TIMELESS: variants seen among roughly 807,000 people sequenced by gnomAD.
TIMELESS encodes the protein timeless circadian regulator.
A neutral mutation model predicts 164.3 loss-of-function variants in TIMELESS; 124 were observed. The observed-to-expected ratio is 0.75, with a 90% CI of 0.65 to 0.88. TIMELESS has a LOEUF of 0.88. Among genes scored for constraint, TIMELESS ranks in the 40% least tolerant of loss-of-function variants. TIMELESS has a pLI of 0.00. For missense variants in TIMELESS, 1,422 were observed against 1,491.4 expected, an observed-to-expected ratio of 0.95 and a Z score of 0.77; for synonymous variants, 564 against 563.4, an observed-to-expected ratio of 1.00 and a Z score of -0.02.
At chr12:56,443,983 C>A (rs756534124) in intron 1 of TIMELESS, among the ~76,000 whole-genome samples, 69 of 151,606 alleles carry the variant, frequency 4.6e-4, no homozygotes, top group Non-Finnish European at 1.5e-5. Context: ...ACTGCATCTC[C>A]GCCTCCTGGG....
intron 1 of TIMELESS, among the ~76,000 whole-genome samples, chr12:56,436,694 TG>T (rs1419564810): frequency 1.1e-4 from 17 of 152,228 alleles, no homozygotes; most frequent in African/African-American, 4.1e-4. Flanking sequence ...CACCGAACAG[TG>T]GTCAGAATTC....
chr12:56,431,370 A>ACAC (rs1565684426), intron 8 of TIMELESS, 101 bp downstream of exon 8: 5 of 1,327,116 alleles, frequency 3.8e-6, no homozygotes, highest in Admixed American at 4.9e-5. Context: ...AAAAAAAAAA[A>ACAC]AACACTAAAA....
In TIMELESS at chr12:56,417,500, G is replaced by A. The variant is rs369298898; in HGVS notation, c.*216C>T. ...AGAACTAAATCTCCAGAGAGCTGCT[G>A]GGGCATACCGATAAAAACTGGGAGA... On this transcript the variant is annotated 3_prime_UTR_variant, in exon 29 of 29. Transcript: ENST00000553532. The A allele has an allele frequency of 2.2e-4, 122 of 557,440 alleles. 2 individuals carry two copies. The highest frequency in any genetic ancestry group is 2.2e-3 in the East Asian group (74 of 33,840). The allele number at this position is 557,440 out of a possible 1,614,324, so 34.5% of individuals were successfully genotyped here.
chr12:56,448,321 G>A lies in TIMELESS; in HGVS notation c.-62+989C>T, dbSNP rs546534222. Among the ~76,000 whole-genome samples the A allele has an allele frequency of 5.5e-4, 84 of 152,140 alleles. 1 individual carries two copies. Among genetic ancestry groups the A allele is most frequent in the African/African-American group, 2.0e-3 (81 of 41,492 alleles). On this transcript the variant is annotated intron_variant, in intron 1 of 28. Coordinates refer to ENST00000553532, the MANE Select transcript of TIMELESS (RefSeq NM_003920.5). ...CTGGGGAGGCTGAGGCAGGAGAATCGCTTGAACTGGGGAGGCGGAGGTTGC... is the reference window on the plus strand; with the variant it reads ...CTGGGGAGGCTGAGGCAGGAGAATCACTTGAACTGGGGAGGCGGAGGTTGC...
rs777135672 is a variant in TIMELESS at position 56,418,349 on chromosome 12, CAGA to C, written c.3236_3238del (p.Phe1079del). 7.3e-5 allele frequency: 118 copies of C among 1,608,190 alleles called. No homozygotes were observed. The highest frequency in any genetic ancestry group is 9.1e-5 in the Non-Finnish European group (107 of 1,177,558). ...AGGACTCAGCTTGGCTGGAATTCGCCAGAAGGTTTCCTACAGGGGCCAAAAAGT... is the reference window on the plus strand; with the variant it reads ...AGGACTCAGCTTGGCTGGAATTCGCCAGGTTTCCTACAGGGGCCAAAAAGT... On this transcript the variant is annotated inframe_deletion, in exon 27 of 29. Transcript: ENST00000553532.
rs201585405 is a variant in TIMELESS, at chr12:56,420,857, A to G, written c.3065T>C (p.Leu1022Pro). The change falls in exon 25 of 29, where the codon CTC (leucine) becomes CCC (proline). Residue 1022 changes from leucine (L) to proline (P), a missense_variant. Coordinates refer to ENST00000553532, the MANE Select transcript of TIMELESS (RefSeq NM_003920.5). ...QEGFSIPLLW[L>P]QNCLIRAADD... ...AGCTGCTCGGATCAGGCAGTTCTGG[A>G]GCCATAGGAGCGGGATAGAAAAGCC... The G allele has an allele frequency of 1.9e-6, 3 of 1,614,118 alleles. No homozygotes were observed. The highest frequency in any genetic ancestry group is 2.2e-5 in the East Asian group (1 of 44,876).
rs751804119 is a variant in TIMELESS at position 56,428,574 on chromosome 12, C to T, written c.1383G>A (p.Val461=). 5.3e-5 allele frequency: 85 copies of T among 1,614,134 alleles called. No homozygotes were observed. In the Middle Eastern group the frequency reaches 2.0e-3, roughly 38 times the overall value. Residue 461 remains valine (V), a synonymous_variant, in exon 12 of 29, where the codon GTG becomes GTA. Transcript: ENST00000553532. ...NEMDISPDEA[V]RESSRIIKNN... ...TCTTGATGATGCGGCTGCTCTCCCT[C>T]ACAGCCTCATCTGGAGATATGTCCA... is the stretch of plus-strand genomic sequence containing the variant.
chr12:56,420,495 G>T, intron 26 of TIMELESS, 74 bp downstream of exon 26: 1 of 1,216,218 alleles, frequency 8.2e-7, no homozygotes, highest in Non-Finnish European at 1.2e-6. Context: ...CACCATGACA[G>T]TGAGGAGGAG....
At chr12:56,434,832 A>C (rs548181871) in intron 1 of TIMELESS, among the ~76,000 whole-genome samples, 2 of 152,156 alleles carry the variant, frequency 1.3e-5, no homozygotes, top group South Asian at 4.1e-4. Flanking sequence ...CATGATGATC[A>C]TTTGCCCCAG....
rs372997620 is a variant in TIMELESS at position 56,432,473 on chromosome 12, G to A, written c.583C>T (p.Leu195Phe). ...AHDQLLWAIH[L>F]SGLDDLLLFL... ...AGGAGCAGGTCATCCAGGCCGCTGAGGTGAATCGCCCAGAGGAGCTGGTCA... is the reference window on the plus strand; with the variant it reads ...AGGAGCAGGTCATCCAGGCCGCTGAAGTGAATCGCCCAGAGGAGCTGGTCA... The change falls in exon 7 of 29, where the codon CTC becomes TTC. Residue 195 changes from leucine to phenylalanine, a missense_variant. Physicochemically the swap from Leu to Phe is conservative, Grantham distance 22. Transcript: ENST00000553532. 1 of 1,614,198 alleles carries A rather than the reference G, an allele frequency of 6.2e-7. No individual in the cohort carries two copies. Among genetic ancestry groups the A allele is most frequent in the Non-Finnish European group, 8.5e-7 (1 of 1,180,024 alleles).
At chr12:56,444,851 C>T (rs528033860) in intron 1 of TIMELESS, among the ~76,000 whole-genome samples, 77 of 151,886 alleles carry the variant, frequency 5.1e-4, no homozygotes, top group African/African-American at 9.7e-4. Flanking sequence ...TCACTGTACG[C>T]GGCCTGATTG....
At chr12:56,423,744 G>A in intron 16 of TIMELESS, 37 bp from the exon 17 acceptor site, 1 of 1,614,184 alleles carries the variant, frequency 6.2e-7, no homozygotes, top group Non-Finnish European at 8.5e-7. Flanking sequence ...TCTCTGTTAT[G>A]TTGGTGCTAG....
chr12:56,422,034 T>C lies in TIMELESS; in HGVS notation c.2525-18A>G, dbSNP rs1413982383. On this transcript the variant is annotated intron_variant, in intron 20 of 28. Transcript: ENST00000553532. ...ATCCTGCCCTGGCGTGGGGAAGGAC[T>C]AAGGCAGTAAAGAAGGTCCCACAGC... 1 of 1,613,788 alleles carries C rather than the reference T, an allele frequency of 6.2e-7. No homozygotes were observed. The highest frequency in any genetic ancestry group is 2.2e-5 in the East Asian group (1 of 44,872).
At position 56,418,120 on chromosome 12, in the gene TIMELESS, T is replaced by C. The variant is rs761421622; in HGVS notation, c.3454+14A>G. 1 of 1,613,830 alleles carries C rather than the reference T, an allele frequency of 6.2e-7. No homozygotes were observed. The highest frequency in any genetic ancestry group is 1.3e-5 in the African/African-American group (1 of 74,930). On this transcript the variant is annotated intron_variant, in intron 27 of 28. Coordinates refer to ENST00000553532, the MANE Select transcript of TIMELESS (RefSeq NM_003920.5). Reference sequence around the variant, plus strand: ...GACACGTTAATACTCAGAAGATGGCTGTCGCACTATTACCCTCTGGGGATG... The same window carrying C: ...GACACGTTAATACTCAGAAGATGGCCGTCGCACTATTACCCTCTGGGGATG...
In TIMELESS at chr12:56,433,870, G is replaced by A. The variant is rs146932808; in HGVS notation, c.154C>T (p.Arg52Trp). ...ATCTGGGCTGCCCCCAGCTGCTGCC[G>A]CACATCTCGTGTCTCATCCTCATGC... ...LRHEDETRDV[R>W]QQLGAAQILQ... The change falls in exon 3 of 29, where the codon CGG becomes TGG. Residue 52 changes from arginine (R) to tryptophan (W), a missense_variant. Transcript: ENST00000553532. 7 of 1,614,140 alleles carry A rather than the reference G, an allele frequency of 4.3e-6. No individual in the cohort carries two copies. The highest frequency in any genetic ancestry group is 2.2e-5 in the East Asian group (1 of 44,892).
Position 56,421,154 on chromosome 12 carries a change from G to T in TIMELESS, c.2869-20C>A, listed in dbSNP as rs745718501. 2 of 1,613,296 alleles carry T rather than the reference G, an allele frequency of 1.2e-6. No homozygotes were observed. The highest frequency in any genetic ancestry group is 2.2e-5 in the East Asian group (1 of 44,884). ...ATTTGGCTAAAATTCATTGGGGGTTGGGGGAATGAAAATGAAGGCAACACA... is the reference window on the plus strand; with the variant it reads ...ATTTGGCTAAAATTCATTGGGGGTTTGGGGAATGAAAATGAAGGCAACACA... On this transcript the variant is annotated intron_variant, in intron 23 of 28. Transcript: ENST00000553532.
In TIMELESS at chr12:56,428,596, T is replaced by G. The variant is rs926090066; in HGVS notation, c.1361A>C (p.Asp454Ala). ...QELLATVNEM[D>A]ISPDEAVRES... ...CCTCACAGCCTCATCTGGAGATATG[T>G]CCATCTCATTCACTGTTGCCAGCAG... is the stretch of plus-strand genomic sequence containing the variant. The change falls in exon 12 of 29, where the codon GAC (aspartate) becomes GCC (alanine). Residue 454 changes from aspartate to alanine, a missense_variant. Transcript: ENST00000553532. The G allele has an allele frequency of 6.2e-7, 1 of 1,613,962 alleles. No homozygotes were observed. The highest frequency in any genetic ancestry group is 8.5e-7 in the Non-Finnish European group (1 of 1,180,022).
Position 56,428,395 on chromosome 12 carries a change from G to C in TIMELESS, c.1419C>G (p.Phe473Leu). The change falls in exon 13 of 29, where the codon TTC becomes TTG. Residue 473 changes from phenylalanine to leucine, a missense_variant. Coordinates refer to ENST00000553532, the MANE Select transcript of TIMELESS (RefSeq NM_003920.5). Reference protein sequence around the residue: ...ESSRIIKNNIFYVMEYRELFL... With the variant: ...ESSRIIKNNILYVMEYRELFL... ...ATAGTTCTCGGTACTCCATCACATA[G>C]AAAATATTGTCTAGGAATGGGGAAG... 1 of 1,608,554 alleles carries C rather than the reference G, an allele frequency of 6.2e-7. No homozygotes were observed. The highest frequency in any genetic ancestry group is 8.5e-7 in the Non-Finnish European group (1 of 1,175,730).
rs1346781981 is a variant in TIMELESS at position 56,422,148 on chromosome 12, C to G, written c.2482G>C (p.Ala828Pro). ...GCGAGGTACAGCTCCCGAAGATGAGCCTCTTCTTCGGGGCTCCATGTAGGT... is the reference window on the plus strand; with the variant it reads ...GCGAGGTACAGCTCCCGAAGATGAGGCTCTTCTTCGGGGCTCCATGTAGGT... ...RAPTWSPEEE[A>P]HLRELYLANK... is the part of the protein sequence containing the mutation. The change falls in exon 20 of 29, where the codon GCT (alanine) becomes CCT (proline). Residue 828 changes from alanine (A) to proline (P), a missense_variant. By Grantham distance (27) the Ala-to-Pro change is conservative. Transcript: ENST00000553532. The G allele has an allele frequency of 6.2e-7, 1 of 1,614,124 alleles. No homozygotes were observed. The highest frequency in any genetic ancestry group is 1.7e-5 in the Admixed American group (1 of 60,004).
Sources: gnomAD v4.1 joint callset for allele counts (sites outside exome capture counted in the v4.1 genomes callset) on GRCh38, gnomAD v4.1.1 for gene constraint, MANE v1.5 for transcripts, NCBI Gene and HGNC (gene_info 2026-07-23, HGNC 2026-07-21) for gene names.